The following HEG1 variants were observed in gnomAD, a reference collection of about 807,000 sequenced individuals.
HEG1 encodes the protein heart development protein with EGF like domains 1.
Under a neutral mutation model 125.6 loss-of-function variants are expected in HEG1, and 56 were observed. The ratio of observed to expected loss-of-function variants is 0.45; its 90% CI spans 0.36 to 0.56. The LOEUF (loss-of-function observed/expected upper bound fraction) is 0.56. Among genes scored for constraint, HEG1 ranks in the 20% least tolerant of loss-of-function variants. HEG1 has a pLI of 0.00. For synonymous variants in HEG1, 644 were observed against 668.5 expected (o/e 0.96, Z 0.57); for missense variants, 1,523 against 1,670.0 (o/e 0.91, Z 1.53).
In HEG1 at chr3:125,032,153, G is replaced by GTGGCTGGTGGCTGCA. The variant is rs1560031866; in HGVS notation, c.317-2666_317-2665insTGCAGCCACCAGCCA. Among the ~76,000 whole-genome samples, 16 of 152,038 alleles carry GTGGCTGGTGGCTGCA rather than the reference G, an allele frequency of 1.1e-4. 1 individual carries two copies. The South Asian group carries it at 1.2e-3, about 12-fold the overall frequency. ...ATAGCCACACGTGGCTGGTGGCTGCGTCAACCACACGTGGCTGGTGGCTGC... is the reference window on the plus strand; with the variant it reads ...ATAGCCACACGTGGCTGGTGGCTGCGTGGCTGGTGGCTGCATCAACCACACGTGGCTGGTGGCTGC... On this transcript the variant is annotated intron_variant, in intron 1 of 16. Coordinates refer to ENST00000311127, the MANE Select transcript of HEG1 (RefSeq NM_020733.2).
intron 12 of HEG1, among the ~76,000 whole-genome samples, chr3:124,993,281 C>A (rs904494312): frequency 6.6e-6 from 1 of 152,212 alleles, no homozygotes; most frequent in Non-Finnish European, 1.5e-5. Context: ...CCTGATTTAC[C>A]TTTTACATAT....
chr3:125,034,847 A>G (rs1343220136), intron 1 of HEG1, among the ~76,000 whole-genome samples: 2 of 152,184 alleles, frequency 1.3e-5, no homozygotes, highest in Non-Finnish European at 2.9e-5. Context: ...AATGCCCAAA[A>G]TGAGATTAAA....
intron 3 of HEG1, among the ~76,000 whole-genome samples, chr3:125,023,237 C>CA (rs778132102): frequency 8.9e-6 from 1 of 112,912 alleles, no homozygotes; most frequent in Non-Finnish European, 2.0e-5. Flanking sequence ...AACAAACAAA[C>CA]CAAAAAAACT....
At chr3:125,047,221 C>A (rs1194607898) in intron 1 of HEG1, among the ~76,000 whole-genome samples, 1 of 152,220 alleles carries the variant, frequency 6.6e-6, no homozygotes, top group Non-Finnish European at 1.5e-5. Flanking sequence ...CAGTAAAATG[C>A]CTGGAAGGCA....
intron 11 of HEG1, among the ~76,000 whole-genome samples, chr3:125,000,552 T>C (rs1936985240): frequency 6.6e-6 from 1 of 151,934 alleles, no homozygotes; most frequent in African/African-American, 2.4e-5. Flanking sequence ...ATGACCTTTC[T>C]ACCTCACTCC....
chr3:125,006,081 G>A (rs554139133), intron 8 of HEG1, among the ~76,000 whole-genome samples: 1 of 152,242 alleles, frequency 6.6e-6, no homozygotes, highest in South Asian at 2.1e-4. Context: ...TATAACCTCT[G>A]TGCCCTGAGG....
At chr3:125,046,159 C>T (rs1380064775) in intron 1 of HEG1, among the ~76,000 whole-genome samples, 1 of 152,068 alleles carries the variant, frequency 6.6e-6, no homozygotes, top group Non-Finnish European at 1.5e-5. Flanking sequence ...CGGCATCTCT[C>T]CCCAACTCTG....
At chr3:124,998,472 C>T (rs1936956437) in intron 11 of HEG1, among the ~76,000 whole-genome samples, 1 of 152,192 alleles carries the variant, frequency 6.6e-6, no homozygotes, top group Non-Finnish European at 1.5e-5. Context: ...CCCCACTCCA[C>T]TGATGGGTTC....
intron 16 of HEG1, 87 bp from the exon 17 acceptor site, chr3:124,970,888 T>C: frequency 8.7e-7 from 1 of 1,152,864 alleles, no homozygotes. Context: ...TTTAGACCAA[T>C]GTAAGAAAAG....
chr3:125,005,484 ATTTC>A, intron 8 of HEG1, 116 bp from the exon 9 acceptor site: 1 of 588,382 alleles, frequency 1.7e-6, no homozygotes, highest in South Asian at 2.2e-5. Flanking sequence ...CAATCTCTGC[ATTTC>A]TTTCTCCTTA....
intron 11 of HEG1, among the ~76,000 whole-genome samples, chr3:124,998,464 C>A (rs1176523258): frequency 6.6e-6 from 1 of 152,140 alleles, no homozygotes; most frequent in East Asian, 1.9e-4. Flanking sequence ...GCAGTTTCCC[C>A]CACTCCACTG....
intron 12 of HEG1, among the ~76,000 whole-genome samples, chr3:124,996,254 T>C (rs1300466654): frequency 1.3e-5 from 2 of 151,980 alleles, no homozygotes; most frequent in African/African-American, 4.8e-5. Flanking sequence ...CCAGCTAATT[T>C]TGTATTTTTA....
rs149527876 is a variant in HEG1 at position 124,988,601 on chromosome 3, T to C, written c.3733+2186A>G. 1.1e-4 allele frequency among the ~76,000 whole-genome samples: 16 copies of C among 152,108 alleles called. No homozygotes were observed. In the East Asian group the frequency reaches 2.9e-3, roughly 28 times the overall value. ...AGTACAGGGTTGTTTACTACACCACTCAGGGCTGCAGGTTGCTACTTAAAA... is the reference window on the plus strand; with the variant it reads ...AGTACAGGGTTGTTTACTACACCACCCAGGGCTGCAGGTTGCTACTTAAAA... On this transcript the variant is annotated intron_variant, in intron 14 of 16. Transcript: ENST00000311127.
At chr3:124,998,360 C>T (rs1936954923) in intron 11 of HEG1, among the ~76,000 whole-genome samples, 1 of 152,224 alleles carries the variant, frequency 6.6e-6, no homozygotes. Context: ...GGCTTGCTGT[C>T]CTGACAGCGT....
chr3:125,011,962 AC>A (rs1022795164), intron 6 of HEG1, among the ~76,000 whole-genome samples: 3 of 152,110 alleles, frequency 2.0e-5, no homozygotes, highest in Non-Finnish European at 4.4e-5. Flanking sequence ...TACAAAAACA[AC>A]CCTAAGTGTG....
chr3:125,055,050 A>T (rs1191561754), intron 1 of HEG1, among the ~76,000 whole-genome samples: 1 of 152,198 alleles, frequency 6.6e-6, no homozygotes, highest in African/African-American at 2.4e-5. Flanking sequence ...ATGCAACCCC[A>T]ACCGCGTTCC....
intron 1 of HEG1, among the ~76,000 whole-genome samples, chr3:125,038,971 C>T (rs977281462): frequency 6.6e-6 from 1 of 152,162 alleles, no homozygotes; most frequent in East Asian, 1.9e-4. Context: ...AGGCCAGCTT[C>T]GCAGATGGTC....
intron 11 of HEG1, among the ~76,000 whole-genome samples, chr3:124,999,355 G>A (rs1936968580): frequency 6.6e-6 from 1 of 152,222 alleles, no homozygotes; most frequent in African/African-American, 2.4e-5. Context: ...TGGCACCAGG[G>A]AGGTAATGAA....
chr3:124,972,363 C>T (rs1437638915), intron 16 of HEG1, among the ~76,000 whole-genome samples: 2 of 152,156 alleles, frequency 1.3e-5, no homozygotes, highest in African/African-American at 4.8e-5. Flanking sequence ...AACAGAGAAA[C>T]AAAGCCCAAT....
Sources: gnomAD v4.1 joint callset for allele counts (sites outside exome capture counted in the v4.1 genomes callset) on GRCh38, gnomAD v4.1.1 for gene constraint, MANE v1.5 for transcripts, NCBI Gene and HGNC (gene_info 2026-07-23, HGNC 2026-07-21) for gene names.